The following DNAAF11 variants were observed in gnomAD, a reference collection of about 807,000 sequenced individuals.
The protein encoded by DNAAF11 is leucine rich repeat containing 6.
DNAAF11 carries 45 observed loss-of-function variants against 60.8 expected under a neutral mutation model. The ratio of observed to expected loss-of-function variants is 0.74; its 90% confidence interval spans 0.58 to 0.95. DNAAF11 has a LOEUF of 0.95. Among genes scored for constraint, DNAAF11 ranks in the 40% least tolerant of loss-of-function variants. The pLI, the probability that DNAAF11 is intolerant of heterozygous loss-of-function variation, is 0.00. For synonymous variants in DNAAF11, 191 were observed against 183.5 expected (o/e 1.04, Z -0.33); for missense variants, 546 against 546.2 (o/e 1.00, Z 0.00).
intron 1 of DNAAF11, among the ~76,000 whole-genome samples, chr8:132,667,523 A>C (rs1162648092): frequency 2.0e-5 from 3 of 152,240 alleles, no homozygotes; most frequent in African/African-American, 7.2e-5. Context: ...TAGAAGAAAA[A>C]TATGCCAAGG....
chr8:132,694,483 C>G, the DNAAF11 span, among the ~76,000 whole-genome samples: 1,419 of 152,312 alleles, frequency 9.3e-3, 22 homozygotes, highest in African/African-American at 0.032. Flanking sequence ...ACCTTGATCT[C>G]AGACTTCTAG....
At chr8:132,621,178 GC>G (rs1428641433) in intron 7 of DNAAF11, among the ~76,000 whole-genome samples, 2 of 152,178 alleles carry the variant, frequency 1.3e-5, no homozygotes, top group Non-Finnish European at 2.9e-5. Flanking sequence ...GGCTGTAACT[GC>G]CCCTGTGGTG....
At chr8:132,694,266 T>A in the DNAAF11 span, among the ~76,000 whole-genome samples, 1 of 152,192 alleles carries the variant, frequency 6.6e-6, no homozygotes, top group Non-Finnish European at 1.5e-5. Context: ...GTGGACTCAG[T>A]TGTGTCCTCC....
rs527610572 is a variant in DNAAF11 at position 132,674,946 on chromosome 8, T to C, written c.10+538A>G. Among the ~76,000 whole-genome samples, 8 of 152,290 alleles carry C rather than the reference T, an allele frequency of 5.3e-5. 1 individual carries two copies. In the South Asian group the frequency reaches 1.2e-3, roughly 24 times the overall value. Reference sequence around the variant, plus strand: ...TACTGTGTCTAAAACAGTAGTATGATTGCCATTATTTTGGAGATGAAGAAG... The same window carrying C: ...TACTGTGTCTAAAACAGTAGTATGACTGCCATTATTTTGGAGATGAAGAAG... On this transcript the variant is annotated intron_variant, in intron 1 of 11. Coordinates refer to ENST00000620350, the MANE Select transcript of DNAAF11 (RefSeq NM_012472.6).
At chr8:132,617,598 A>T (rs1312105562) in intron 7 of DNAAF11, among the ~76,000 whole-genome samples, 1 of 152,228 alleles carries the variant, frequency 6.6e-6, no homozygotes, top group Non-Finnish European at 1.5e-5. Flanking sequence ...AATTTTCCTA[A>T]TTGAATACCC....
At chr8:132,690,778 T>G in the DNAAF11 span, among the ~76,000 whole-genome samples, 46 of 152,338 alleles carry the variant, frequency 3.0e-4, no homozygotes, top group Admixed American at 7.8e-4. Flanking sequence ...AAGTACTGGT[T>G]AAGTATTTTG....
chr8:132,638,273 G>A (rs576556888), intron 3 of DNAAF11, among the ~76,000 whole-genome samples, 166 bp from the exon 4 acceptor site: 1 of 152,108 alleles, frequency 6.6e-6, no homozygotes, highest in Non-Finnish European at 1.5e-5. Context: ...CAACTCAAAG[G>A]CTTCATCTTA....
At chr8:132,674,097 C>A (rs1410146669) in intron 1 of DNAAF11, among the ~76,000 whole-genome samples, 839 of 37,152 alleles carry the variant, frequency 0.023, 24 homozygotes, top group African/African-American at 0.087. Flanking sequence ...GGAGGAGGAG[C>A]AGGAGGAGGA....
At chr8:132,664,534 G>A (rs540106480) in intron 1 of DNAAF11, among the ~76,000 whole-genome samples, 4 of 152,182 alleles carry the variant, frequency 2.6e-5, no homozygotes, top group Non-Finnish European at 4.4e-5. Context: ...GCAGTGGCAC[G>A]ATTACAGTTT....
the DNAAF11 span, among the ~76,000 whole-genome samples, chr8:132,698,851 C>T: frequency 4.6e-5 from 7 of 151,812 alleles, no homozygotes; most frequent in East Asian, 7.7e-4. Flanking sequence ...GAGGCCGAGG[C>T]GGGCTGATCA....
the DNAAF11 span, among the ~76,000 whole-genome samples, chr8:132,701,671 A>G: frequency 6.6e-6 from 1 of 152,246 alleles, no homozygotes; most frequent in African/African-American, 2.4e-5. Flanking sequence ...TTCCCTTTGG[A>G]TAAAGTGTCT....
chr8:132,658,754 G>GT (rs1823838966), intron 2 of DNAAF11, among the ~76,000 whole-genome samples: 1 of 152,080 alleles, frequency 6.6e-6, no homozygotes, highest in Admixed American at 6.5e-5. Context: ...CCCCACCTTT[G>GT]TTATACGCAT....
At chr8:132,589,561 T>C (rs1200860489) in intron 10 of DNAAF11, among the ~76,000 whole-genome samples, 3 of 152,208 alleles carry the variant, frequency 2.0e-5, no homozygotes, top group Non-Finnish European at 4.4e-5. Context: ...ATAAAAATAC[T>C]TTCCTTTCTG....
the DNAAF11 span, among the ~76,000 whole-genome samples, chr8:132,692,568 A>T: frequency 6.6e-6 from 1 of 152,212 alleles, no homozygotes; most frequent in African/African-American, 2.4e-5. Flanking sequence ...TGCACGCAGA[A>T]CAAGTGGTAT....
At chr8:132,671,320 T>A (rs1825169849) in intron 1 of DNAAF11, among the ~76,000 whole-genome samples, 1 of 152,154 alleles carries the variant, frequency 6.6e-6, no homozygotes, top group Non-Finnish European at 1.5e-5. Context: ...TAGAGATAAA[T>A]CAGAAAAATA....
intron 3 of DNAAF11, among the ~76,000 whole-genome samples, chr8:132,643,883 T>C (rs1822103427): frequency 1.3e-5 from 2 of 152,302 alleles, no homozygotes; most frequent in Non-Finnish European, 2.9e-5. Flanking sequence ...CTGTGACCTT[T>C]TGAACTATTA....
chr8:132,578,485 A>C, intron 11 of DNAAF11: 1 of 1,535,062 alleles, frequency 6.5e-7, no homozygotes, highest in Non-Finnish European at 8.7e-7. Context: ...CCTGACTGTC[A>C]GAAACATCAC....
intron 8 of DNAAF11, among the ~76,000 whole-genome samples, chr8:132,612,292 A>T (rs1021469419): frequency 1.3e-5 from 2 of 152,236 alleles, no homozygotes; most frequent in Non-Finnish European, 2.9e-5. Flanking sequence ...ATTATATGCC[A>T]TTTAAAAACA....
chr8:132,611,353 T>C lies in DNAAF11; in HGVS notation c.985A>G (p.Thr329Ala), dbSNP rs896152607. The change falls in exon 9 of 12, where the codon ACC (threonine) becomes GCC (alanine). Residue 329 changes from threonine (T) to alanine (A), a missense_variant. Physicochemically the swap from Thr to Ala is moderately conservative, Grantham distance 58. Transcript: ENST00000620350. ...LDLAVYRYMD[T>A]SLIDVDVQPT... ...TGCACATCAACATCGATTAAAGAGG[T>C]ATCCATATACCTTCAAAATTAAACA... The C allele has an allele frequency of 1.1e-5, 18 of 1,599,218 alleles. No individual in the cohort carries two copies. Among genetic ancestry groups the C allele is most frequent in the Non-Finnish European group, 1.5e-5 (17 of 1,167,162 alleles).
Sources: allele counts gnomAD v4.1 joint callset (sites outside exome capture counted in the v4.1 genomes callset), GRCh38; gene constraint gnomAD v4.1.1; transcripts MANE v1.5; gene names NCBI Gene and HGNC (gene_info 2026-07-23, HGNC 2026-07-21).